The following TAF1C variants were observed in gnomAD, a reference collection of about 807,000 sequenced individuals.
TAF1C encodes TATA-box binding protein associated factor, RNA polymerase I subunit C.
In TAF1C, 79 loss-of-function variants were observed where a neutral mutation model predicts 70.5. That is an observed-to-expected ratio of 1.12 (90% CI 0.93 to 1.35). The LOEUF is 1.35. Ranked by LOEUF, TAF1C falls within the 40% of genes most tolerant of loss-of-function variation. The probability of loss-of-function intolerance (pLI) is 0.00; values close to 1 mark genes in which losing one functional copy is unlikely to be tolerated. For synonymous variants in TAF1C, 614 were observed against 491.1 expected, an observed-to-expected ratio of 1.25 and a Z score of -3.31; for missense variants, 1,412 against 1,127.8, an observed-to-expected ratio of 1.25 and a Z score of -3.61.
In TAF1C at chr16:84,179,665, G is replaced by T; in HGVS notation, c.1808C>A (p.Thr603Asn). The T allele has an allele frequency of 6.2e-7, 1 of 1,612,696 alleles. No individual in the cohort carries two copies. ...GCTGCAGCCGGCAGTGTCCTGGGAGGTCCAGGAAGCTGTGGGGGCATGGCA... is the reference window on the plus strand; with the variant it reads ...GCTGCAGCCGGCAGTGTCCTGGGAGTTCCAGGAAGCTGTGGGGGCATGGCA... ...PDCHAPTASW[T>N]SQDTAGCSQW... Residue 603 changes from threonine to asparagine, a missense_variant, in exon 15 of 15, where the codon ACC becomes AAC. Physicochemically the swap from Thr to Asn is moderately conservative, Grantham distance 65. Transcript: ENST00000566732.
At chr16:84,186,100 AG>A (rs2089470723) in intron 1 of TAF1C, among the ~76,000 whole-genome samples, 1 of 152,256 alleles carries the variant, frequency 6.6e-6, no homozygotes, top group South Asian at 2.1e-4. Context: ...CTGTTAACAG[AG>A]TTCAGGAAAC....
chr16:84,183,568 G>T (rs767279032), intron 3 of TAF1C, 61 bp from the exon 4 acceptor site: 1 of 1,557,728 alleles, frequency 6.4e-7, no homozygotes, highest in Admixed American at 1.8e-5. Flanking sequence ...GATGCCCTGG[G>T]CGACTGGAGG....
intron 1 of TAF1C, among the ~76,000 whole-genome samples, chr16:84,186,239 T>G (rs4150117): frequency 0.026 from 3,974 of 152,234 alleles, 150 homozygotes; most frequent in African/African-American, 0.09. Flanking sequence ...ACGCTAGCAT[T>G]AGAGTCTCGC....
chr16:84,182,965 G>C lies in TAF1C; in HGVS notation c.482+111C>G. ...AAGAAAGTACAGCTCAGACTGCATG[G>C]AGCAGGGGGGAAGTGGGTATGACGG... is the stretch of plus-strand genomic sequence containing the variant. On this transcript the variant is annotated intron_variant, in intron 6 of 14. Coordinates refer to ENST00000566732, the MANE Select transcript of TAF1C (RefSeq NM_001243156.2). This position sits in a 1 kb window ranked among gnomAD's most constrained non-coding sequence, Gnocchi z 5.0. 9.4e-7 allele frequency: 1 copy of C among 1,063,316 alleles called. No homozygotes were observed. The highest frequency in any genetic ancestry group is 1.4e-6 in the Non-Finnish European group (1 of 693,040). 65.9% of individuals were successfully genotyped at this position (1,063,316 alleles called of 1,614,324 possible).
intron 12 of TAF1C, 30 bp from the exon 13 acceptor site, chr16:84,180,374 C>G: frequency 6.5e-7 from 1 of 1,530,448 alleles, no homozygotes; most frequent in Non-Finnish European, 8.7e-7. Flanking sequence ...GGGGATGTGG[C>G]CGAACTTGGG....
In TAF1C at chr16:84,180,318, G is replaced by C. The variant is rs1486618951; in HGVS notation, c.1335C>G (p.Arg445=). ...ACTTCAGCATCGGCACCAGGGGAAG[G>C]CGCTCGTCCACTAGGTAGAGAGAGA... is the stretch of plus-strand genomic sequence containing the variant. ...TQFSLYLVDE[R]LPLVPMLKWN... Residue 445 remains arginine (R), a synonymous_variant, in exon 13 of 15, where the codon CGC becomes CGG. Coordinates refer to ENST00000566732, the MANE Select transcript of TAF1C (RefSeq NM_001243156.2). The C allele has an allele frequency of 6.5e-7, 1 of 1,546,554 alleles. No individual in the cohort carries two copies. Among genetic ancestry groups the C allele is most frequent in the South Asian group, 1.2e-5 (1 of 83,934 alleles).
intron 14 of TAF1C, 25 bp from the exon 15 acceptor site, chr16:84,179,876 T>A: frequency 6.2e-7 from 1 of 1,609,428 alleles, no homozygotes; most frequent in Non-Finnish European, 8.5e-7. Context: ...GACAATGACC[T>A]CCAGGGCCTA....
At position 84,182,516 on chromosome 16, in the gene TAF1C, G is replaced by A. The variant is rs985369584; in HGVS notation, c.483-76C>T. On this transcript the variant is annotated intron_variant, in intron 6 of 14. Transcript: ENST00000566732. The surrounding 1 kb of genome is among the most constrained non-coding windows in gnomAD (Gnocchi z 5.0). ...ACAGGTCCCATCCCAAGGAGGCCAA[G>A]TGCAGTGGACACATTTCTTATTTAC... 1.5e-6 allele frequency: 2 copies of A among 1,329,676 alleles called. No homozygotes were observed. The highest frequency in any genetic ancestry group is 2.2e-5 in the Admixed American group (1 of 45,078). The allele number at this position is 1,329,676 out of a possible 1,614,324, so 82.4% of individuals were successfully genotyped here.
At chr16:84,185,936 A>C (rs1022444333) in intron 1 of TAF1C, among the ~76,000 whole-genome samples, 12 of 152,228 alleles carry the variant, frequency 7.9e-5, no homozygotes, top group African/African-American at 2.9e-4. Context: ...GGCTTTGGTA[A>C]ATACAGTCCT....
chr16:84,186,236 CAT>C (rs1215437628), intron 1 of TAF1C, among the ~76,000 whole-genome samples: 1 of 152,168 alleles, frequency 6.6e-6, no homozygotes, highest in African/African-American at 2.4e-5. Context: ...CAAACGCTAG[CAT>C]TAGAGTCTCG....
At position 84,179,006 on chromosome 16, in the gene TAF1C, G is replaced by A; in HGVS notation, c.2467C>T (p.Gln823Ter). ...QASSVRATRS[Q>*]QHTPVLSSSQ... ...CTAGAGAGGACGGGTGTGTGCTGCTGGGAGCGAGTGGCCCGGACGCTGGAG... is the reference window on the plus strand; with the variant it reads ...CTAGAGAGGACGGGTGTGTGCTGCTAGGAGCGAGTGGCCCGGACGCTGGAG... Residue 823 changes from glutamine (Q) to a stop codon, truncating the protein, a stop_gained, in exon 15 of 15, where the codon CAG (glutamine) becomes TAG (stop). Transcript: ENST00000566732. LOFTEE classifies it high-confidence loss of function. 1 of 1,610,760 alleles carries A rather than the reference G, an allele frequency of 6.2e-7. No homozygotes were observed. Among genetic ancestry groups the A allele is most frequent in the Non-Finnish European group, 8.5e-7 (1 of 1,179,960 alleles).
At position 84,183,464 on chromosome 16, in the gene TAF1C, G is replaced by A. The variant is rs200603299; in HGVS notation, c.264C>T (p.Arg88=). 1,044 of 1,612,056 alleles carry A rather than the reference G, an allele frequency of 6.5e-4. 10 individuals carry two copies. Among genetic ancestry groups the A allele is most frequent in the South Asian group, 1.3e-4 (12 of 90,788 alleles). The change falls in exon 4 of 15, where the codon CGC becomes CGT. Residue 88 remains arginine, a synonymous_variant. Transcript: ENST00000566732. The stretch of plus-strand genomic sequence containing the variant: ...GCCGCTTCCGATACCGGCACCCTCC[G>A]CGGAAAAGCAGGTCCCGGGCAGTCA... ...PGLTARDLLF[R]GGCRYRKRPR...
chr16:84,181,654 C>T lies in TAF1C; in HGVS notation c.966G>A (p.Leu322=). ...GATGISLSPH[L]PGELAICSRS... ...GGCTGCAGATGGCCAGCTCCCCGGG[C>T]AGGTGAGGGCTACAGGGCAGGAATG... The change falls in exon 10 of 15, where the codon CTG becomes CTA. Residue 322 remains leucine, a synonymous_variant. Coordinates refer to ENST00000566732, the MANE Select transcript of TAF1C (RefSeq NM_001243156.2). 6.2e-7 allele frequency: 1 copy of T among 1,613,894 alleles called. No individual in the cohort carries two copies. The highest frequency in any genetic ancestry group is 8.5e-7 in the Non-Finnish European group (1 of 1,179,988).
At chr16:84,180,966 C>G in intron 12 of TAF1C, 77 bp downstream of exon 12, 1 of 1,499,006 alleles carries the variant, frequency 6.7e-7, no homozygotes, top group Non-Finnish European at 8.9e-7. Context: ...CCAGCAGAGC[C>G]GCTGGTAAGC....
chr16:84,183,677 C>T lies in TAF1C; in HGVS notation c.220+20G>A, dbSNP rs199770690. On this transcript the variant is annotated intron_variant, in intron 3 of 14. Transcript: ENST00000566732. ...TAGGTGGAGCAGTGTGGAGTGAGCC[C>T]GGGGGAATGAGACCCTTACCGATGA... The T allele has an allele frequency of 3.9e-5, 63 of 1,604,936 alleles. No individual in the cohort carries two copies. Among genetic ancestry groups the T allele is most frequent in the Non-Finnish European group, 3.6e-5 (42 of 1,174,482 alleles).
At position 84,179,383 on chromosome 16, in the gene TAF1C, TC is replaced by T; in HGVS notation, c.2089del (p.Glu697LysfsTer76). ...LEDKLSERLG[E>X]AWAGRGAAWW... ...GGCAGCCCCTCGGCCTGCCCAGGCT[TC>T]CCCCAGGCGCTCACTGAGCTTGTCC... On this transcript the variant is annotated frameshift_variant, in exon 15 of 15. Coordinates refer to ENST00000566732, the MANE Select transcript of TAF1C (RefSeq NM_001243156.2). LOFTEE classifies it low-confidence loss of function (END_TRUNC). 1 of 1,599,030 alleles carries T rather than the reference TC, an allele frequency of 6.3e-7. No individual in the cohort carries two copies.
Position 84,184,947 on chromosome 16 carries a change from G to A in TAF1C, c.42C>T (p.Thr14=), listed in dbSNP as rs141321804. 1.0e-4 allele frequency: 168 copies of A among 1,613,802 alleles called. No homozygotes were observed. The highest frequency in any genetic ancestry group is 3.3e-4 in the Middle Eastern group (2 of 6,062). The change falls in exon 2 of 15, where the codon ACC becomes ACT. Residue 14 remains threonine (T), a synonymous_variant. Coordinates refer to ENST00000566732, the MANE Select transcript of TAF1C (RefSeq NM_001243156.2). ...GGACGTCGCTCAGACCAAGGGGGCC[G>A]GTCAGAAACAATGCAGGGCGGAGGG... ...PSSLRPALFL[T]GPLGLSDVPD...
chr16:84,180,152 C>T lies in TAF1C; in HGVS notation c.1483+18G>A, dbSNP rs940130584. On this transcript the variant is annotated intron_variant, in intron 13 of 14. Coordinates refer to ENST00000566732, the MANE Select transcript of TAF1C (RefSeq NM_001243156.2). ...GCCCCATCTCCCACACGCCGCCCAC[C>T]CTGGCCTGGACCCTCACCTGCCAGG... 1 of 1,561,356 alleles carries T rather than the reference C, an allele frequency of 6.4e-7. No homozygotes were observed.
At position 84,183,325 on chromosome 16, in the gene TAF1C, C is replaced by T; in HGVS notation, c.327G>A (p.Arg109=). The T allele has an allele frequency of 6.2e-7, 1 of 1,614,000 alleles. No homozygotes were observed. Among genetic ancestry groups the T allele is most frequent in the South Asian group, 1.1e-5 (1 of 91,084 alleles). ...VVLDVTEQIS[R]FLLDHGDVAF... is the part of the protein sequence containing the mutation. ...CTACGTCTCCATGATCCAAGAGGAA[C>T]CGGCTGATCTGGGGAGAAGAGGAGG... Residue 109 remains arginine, a synonymous_variant, in exon 5 of 15, where the codon CGG becomes CGA. Coordinates refer to ENST00000566732, the MANE Select transcript of TAF1C (RefSeq NM_001243156.2).
Sources: gnomAD v4.1 joint callset for allele counts (sites outside exome capture counted in the v4.1 genomes callset) on GRCh38, gnomAD v4.1.1 for gene constraint, Gnocchi (gnomAD v3.1) non-coding constraint, MANE v1.5 for transcripts, NCBI Gene and HGNC (gene_info 2026-07-23, HGNC 2026-07-21) for gene names.